Variants in SOX6 observed in about 807,000 individuals in gnomAD.
SOX6 encodes transcription factor SOX-6.
SOX6 carries 11 observed loss-of-function variants against 97.8 expected under a neutral mutation model. The ratio of observed to expected loss-of-function variants is 0.11; its 90% CI spans 0.07 to 0.19. The LOEUF (loss-of-function observed/expected upper bound fraction) is 0.19, where lower values mean the gene tolerates loss of function less well. Among genes scored for constraint, SOX6 ranks in the 10% least tolerant of loss-of-function variants. SOX6 has a pLI of 1.00. For synonymous variants in SOX6, 360 were observed against 371.4 expected (o/e 0.97, Z 0.35); for missense variants, 810 against 1,039.5 (o/e 0.78, Z 3.04).
intron 6 of SOX6, among the ~76,000 whole-genome samples, chr11:16,144,401 A>G (rs551725838): frequency 2.0e-5 from 3 of 152,342 alleles, no homozygotes; most frequent in African/African-American, 7.2e-5. Context: ...AGAAAGCAGG[A>G]AAGATCTAAA....
chr11:16,628,673 T>C (rs1006099850), intron 3 of SOX6, among the ~76,000 whole-genome samples: 37 of 151,802 alleles, frequency 2.4e-4, no homozygotes, highest in East Asian at 1.9e-4. Context: ...GGTATTTTGA[T>C]AGGGATTGCA....
At chr11:16,011,560 T>A (rs1854726736) in intron 13 of SOX6, among the ~76,000 whole-genome samples, 1 of 152,088 alleles carries the variant, frequency 6.6e-6, no homozygotes. Flanking sequence ...AGCTGCCTCT[T>A]TTGGTGACCT....
chr11:16,404,593 A>G (rs755702560), intron 1 of SOX6, among the ~76,000 whole-genome samples: 4 of 151,928 alleles, frequency 2.6e-5, no homozygotes, highest in Non-Finnish European at 5.9e-5. Flanking sequence ...TATGCCCACA[A>G]CCAGGTTTCA....
intron 10 of SOX6, among the ~76,000 whole-genome samples, chr11:16,050,456 CAT>C (rs1847658960): frequency 2.0e-5 from 3 of 152,204 alleles, no homozygotes; most frequent in Non-Finnish European, 4.4e-5. Context: ...CATGCCACAG[CAT>C]GGCTTCTATG....
chr11:16,045,277 G>A (rs1855794561), intron 12 of SOX6, among the ~76,000 whole-genome samples: 1 of 152,062 alleles, frequency 6.6e-6, no homozygotes, highest in African/African-American at 2.4e-5. Context: ...ATGGTCACTG[G>A]AGGTGGGTCT....
rs1255450437 is a variant in SOX6, at chr11:15,970,479, A to C, written c.*2330T>G. On this transcript the variant is annotated 3_prime_UTR_variant, in exon 16 of 16. Transcript: ENST00000683767. ...GAGAGAGCAAAAGCAAAAGCCAAAG[A>C]GAAAGAAAAAAAACAAGAGTGAACT... The C allele has an allele frequency of 6.6e-6, 1 of 152,638 alleles. No individual in the cohort carries two copies. Among genetic ancestry groups the C allele is most frequent in the Non-Finnish European group, 1.5e-5 (1 of 68,048 alleles). The allele number at this position is 152,638 out of a possible 1,614,324, so 9.5% of individuals were successfully genotyped here.
At chr11:16,131,008 T>C (rs947614121) in intron 6 of SOX6, among the ~76,000 whole-genome samples, 1 of 151,654 alleles carries the variant, frequency 6.6e-6, no homozygotes, top group African/African-American at 2.4e-5. Context: ...CTGAAAAACG[T>C]CTAGAAGAAA....
intron 3 of SOX6, among the ~76,000 whole-genome samples, chr11:16,627,262 T>C (rs540840142): frequency 6.6e-6 from 1 of 152,346 alleles, no homozygotes; most frequent in East Asian, 1.9e-4. Flanking sequence ...TTTGTTATTG[T>C]GAACAGTGCT....
chr11:16,108,603 T>C (rs1300204833), intron 7 of SOX6, among the ~76,000 whole-genome samples: 1 of 152,198 alleles, frequency 6.6e-6, no homozygotes, highest in Non-Finnish European at 1.5e-5. Context: ...TGAGTTCCTA[T>C]CAAGAAATAT....
chr11:16,447,647 G>T (rs1859639967), intron 1 of SOX6, among the ~76,000 whole-genome samples: 1 of 152,004 alleles, frequency 6.6e-6, no homozygotes. Flanking sequence ...ATTCAAACAA[G>T]CAATAAAATT....
intron 1 of SOX6, among the ~76,000 whole-genome samples, chr11:16,399,821 T>C (rs1185084548): frequency 6.6e-6 from 1 of 151,384 alleles, no homozygotes; most frequent in African/African-American, 2.4e-5. Flanking sequence ...ATTTGTTACA[T>C]GACATTTGAC....
chr11:16,623,468 G>T (rs540448464), intron 3 of SOX6, among the ~76,000 whole-genome samples: 1 of 152,128 alleles, frequency 6.6e-6, no homozygotes, highest in Non-Finnish European at 1.5e-5. Context: ...TTAGTCCTTT[G>T]TCAGATGTAT....
At chr11:16,236,936 C>T (rs917223645) in intron 3 of SOX6, among the ~76,000 whole-genome samples, 4 of 151,976 alleles carry the variant, frequency 2.6e-5, no homozygotes, top group African/African-American at 4.8e-5. Context: ...TTAATCCTTA[C>T]TGCAATGCTC....
chr11:16,675,559 C>A (rs1847878337), intron 3 of SOX6, among the ~76,000 whole-genome samples: 2 of 152,090 alleles, frequency 1.3e-5, no homozygotes, highest in Admixed American at 6.5e-5. Context: ...TTTTTTATGT[C>A]TTTGTCTGGG....
At chr11:16,454,366 C>T (rs895374854) in intron 1 of SOX6, among the ~76,000 whole-genome samples, 47 of 152,056 alleles carry the variant, frequency 3.1e-4, no homozygotes, top group Non-Finnish European at 7.4e-5. Context: ...CAAAATAAAG[C>T]CATCCCAAAA....
intron 10 of SOX6, among the ~76,000 whole-genome samples, chr11:16,051,774 T>C (rs574743175): frequency 4.8e-4 from 73 of 152,264 alleles, no homozygotes; most frequent in Non-Finnish European, 7.9e-4. Flanking sequence ...ATTTGGAACA[T>C]TTTCAGTAAT....
rs377027993 is a variant in SOX6 at position 16,303,389 on chromosome 11, CA to C, written c.445+15056del. The stretch of plus-strand genomic sequence containing the variant: ...GGCAAGATCAATAAATGTAAAATAA[CA>C]AATACTTTTCATCTATGTCAAAATC... On this transcript the variant is annotated intron_variant, in intron 3 of 15. Transcript: ENST00000683767. 2.5e-4 allele frequency among the ~76,000 whole-genome samples: 38 copies of C among 152,168 alleles called. No homozygotes were observed. The East Asian group carries it at 6.2e-3, about 25-fold the overall frequency.
intron 1 of SOX6, among the ~76,000 whole-genome samples, chr11:16,417,793 T>C (rs558904862): frequency 6.6e-6 from 1 of 152,326 alleles, no homozygotes; most frequent in East Asian, 1.9e-4. Flanking sequence ...AATTACTATT[T>C]GAATTTGTTT....
At chr11:16,416,688 AC>A (rs1042658892) in intron 1 of SOX6, among the ~76,000 whole-genome samples, 5 of 152,154 alleles carry the variant, frequency 3.3e-5, no homozygotes, top group Non-Finnish European at 1.5e-5. Flanking sequence ...CATTTCCTAT[AC>A]TTTCACAAAT....
Sources: gnomAD v4.1 joint callset for allele counts (sites outside exome capture counted in the v4.1 genomes callset) on GRCh38, gnomAD v4.1.1 for gene constraint, MANE v1.5 for transcripts, NCBI Gene and HGNC (gene_info 2026-07-23, HGNC 2026-07-21) for gene names.